Variants in DPP10 observed in about 807,000 individuals in gnomAD.
The protein encoded by DPP10 is inactive dipeptidyl peptidase 10.
DPP10 carries 33 observed loss-of-function variants against 120.9 expected under a neutral mutation model. That is an observed-to-expected ratio of 0.27 (90% confidence interval 0.21 to 0.37). The LOEUF (loss-of-function observed/expected upper bound fraction) is 0.37, where lower values mean the gene tolerates loss of function less well. DPP10 is among the 10% of genes least tolerant of loss of function. DPP10 has a pLI of 1.00. For synonymous variants in DPP10, 337 were observed against 326.1 expected (o/e 1.03, Z -0.36); for missense variants, 816 against 942.8 (o/e 0.87, Z 1.76).
chr2:115,177,989 T>A (rs965560584), intron 1 of DPP10, among the ~76,000 whole-genome samples: 6 of 152,194 alleles, frequency 3.9e-5, no homozygotes, highest in Non-Finnish European at 8.8e-5. Flanking sequence ...GATCTCGATC[T>A]CCTGACCTCG....
chr2:115,718,379 A>T (rs2092557765), intron 7 of DPP10, among the ~76,000 whole-genome samples: 1 of 152,188 alleles, frequency 6.6e-6, no homozygotes, highest in South Asian at 2.1e-4. Flanking sequence ...CACTGTCAGG[A>T]TGAGATCTCA....
intron 11 of DPP10, among the ~76,000 whole-genome samples, chr2:115,756,037 G>A (rs1296334839): frequency 1.3e-5 from 2 of 151,974 alleles, no homozygotes; most frequent in African/African-American, 2.4e-5. Context: ...ATGGCAACAT[G>A]GATAAGTCTG....
chr2:115,216,204 G>A (rs963337543), intron 1 of DPP10, among the ~76,000 whole-genome samples: 1 of 152,050 alleles, frequency 6.6e-6, no homozygotes, highest in Non-Finnish European at 1.5e-5. Context: ...TGGGTGCAAC[G>A]TACACTATTC....
chr2:114,842,986 G>A (rs1290075444), intron 1 of DPP10, among the ~76,000 whole-genome samples: 1 of 152,042 alleles, frequency 6.6e-6, no homozygotes, highest in African/African-American at 2.4e-5. Context: ...AAAGTGACGT[G>A]CTCAGTAAAA....
intron 1 of DPP10, among the ~76,000 whole-genome samples, chr2:114,718,736 T>C (rs13392675): frequency 2.9e-3 from 438 of 152,306 alleles, no homozygotes; most frequent in African/African-American, 9.8e-3. Context: ...TGTAGATACA[T>C]GTATGCTAAA....
At chr2:115,276,628 T>C (rs996659498) in intron 1 of DPP10, among the ~76,000 whole-genome samples, 3 of 152,190 alleles carry the variant, frequency 2.0e-5, no homozygotes, top group African/African-American at 7.2e-5. Flanking sequence ...CTTGATGCTC[T>C]GAGGTACAGC....
At chr2:114,814,195 A>T (rs1226881012) in intron 1 of DPP10, among the ~76,000 whole-genome samples, 2 of 152,202 alleles carry the variant, frequency 1.3e-5, no homozygotes, top group Non-Finnish European at 2.9e-5. Flanking sequence ...ACCAATTAAA[A>T]GTAAGTTTTG....
At chr2:114,590,018 G>C (rs1174890918) in intron 1 of DPP10, among the ~76,000 whole-genome samples, 1 of 151,882 alleles carries the variant, frequency 6.6e-6, no homozygotes, top group African/African-American at 2.4e-5. Context: ...TCTTGTGAAA[G>C]ACACATACCA....
At chr2:115,078,560 T>C (rs1707980926) in intron 1 of DPP10, among the ~76,000 whole-genome samples, 1 of 152,186 alleles carries the variant, frequency 6.6e-6, no homozygotes, top group Non-Finnish European at 1.5e-5. Flanking sequence ...CAATACTTAG[T>C]AAAGATTATT....
chr2:115,840,716 G>A, intron 24 of DPP10, 34 bp from the exon 25 acceptor site: 2 of 1,596,526 alleles, frequency 1.3e-6, no homozygotes, highest in Non-Finnish European at 1.7e-6. Flanking sequence ...CAAGCAGTGT[G>A]TTTCTTCAGA....
chr2:114,446,789 A>G (rs186460233), intron 1 of DPP10, among the ~76,000 whole-genome samples: 1 of 152,292 alleles, frequency 6.6e-6, no homozygotes, highest in Admixed American at 6.5e-5. Flanking sequence ...GCTAATAAAG[A>G]CTTTTCCCCC....
intron 1 of DPP10, among the ~76,000 whole-genome samples, chr2:114,568,154 C>T (rs1269984206): frequency 6.6e-6 from 1 of 151,364 alleles, no homozygotes; most frequent in African/African-American, 2.4e-5. Flanking sequence ...AAAAGGCCTT[C>T]CCCATAGTTT....
At position 115,522,908 on chromosome 2, in the gene DPP10, G is replaced by T. The variant is rs931133530; in HGVS notation, c.367-2990G>T. 3.3e-5 allele frequency among the ~76,000 whole-genome samples: 5 copies of T among 152,100 alleles called. No individual in the cohort carries two copies. In the South Asian group the frequency reaches 8.3e-4, roughly 25 times the overall value. On this transcript the variant is annotated intron_variant, in intron 4 of 25. Coordinates refer to ENST00000410059, the MANE Select transcript of DPP10 (RefSeq NM_020868.6). ...TATTTAATGTCTACAATTAGAATCA[G>T]TGTTGACCAAGATGTCTCCTGTGGC...
chr2:115,342,910 A>G (rs746049007), intron 2 of DPP10, among the ~76,000 whole-genome samples: 1 of 152,212 alleles, frequency 6.6e-6, no homozygotes, highest in African/African-American at 2.4e-5. Flanking sequence ...CAGCTAGAAA[A>G]AAGCAAAGCT....
At chr2:115,509,338 G>T (rs1489820335) in intron 4 of DPP10, among the ~76,000 whole-genome samples, 1 of 152,140 alleles carries the variant, frequency 6.6e-6, no homozygotes, top group East Asian at 1.9e-4. Flanking sequence ...GTAGTGGTTG[G>T]TGATGGCGGT....
chr2:115,374,086 C>T lies in DPP10; in HGVS notation c.271+30174C>T, dbSNP rs959544638. On this transcript the variant is annotated intron_variant, in intron 3 of 25. Coordinates refer to ENST00000410059, the MANE Select transcript of DPP10 (RefSeq NM_020868.6). ...TTTGGGTGGGGACACAGAGCCAAAC[C>T]GTATCTTTCTGCCACTGGGTCCTCT... 3.3e-5 allele frequency among the ~76,000 whole-genome samples: 5 copies of T among 152,070 alleles called. No individual in the cohort carries two copies. The East Asian group carries it at 7.8e-4, about 24-fold the overall frequency.
chr2:114,695,287 GA>G (rs1454649543), intron 1 of DPP10, among the ~76,000 whole-genome samples: 1 of 151,994 alleles, frequency 6.6e-6, no homozygotes, highest in African/African-American at 2.4e-5. Flanking sequence ...GTGAAATAGA[GA>G]GAAGTTAAGT....
intron 3 of DPP10, among the ~76,000 whole-genome samples, chr2:115,495,979 T>A (rs1290667435): frequency 6.6e-6 from 1 of 152,188 alleles, no homozygotes; most frequent in African/African-American, 2.4e-5. Context: ...TTGATCTGAT[T>A]CACTCATATT....
At chr2:115,439,260 T>C (rs111334484) in intron 3 of DPP10, among the ~76,000 whole-genome samples, 4 of 149,112 alleles carry the variant, frequency 2.7e-5, no homozygotes, top group Non-Finnish European at 4.5e-5. Flanking sequence ...TGTGGAATAG[T>C]GGCTAAGATG....
Sources: gnomAD v4.1 joint callset for allele counts (sites outside exome capture counted in the v4.1 genomes callset) on GRCh38, gnomAD v4.1.1 for gene constraint, MANE v1.5 for transcripts, NCBI Gene and HGNC (gene_info 2026-07-23, HGNC 2026-07-21) for gene names.